KDM4C: variants seen among roughly 807,000 people sequenced by gnomAD.
The protein encoded by KDM4C is lysine-specific demethylase 4C.
A neutral mutation model predicts 129.3 loss-of-function variants in KDM4C; 81 were observed. That is an observed-to-expected ratio of 0.63 (90% CI 0.52 to 0.75). KDM4C has a LOEUF of 0.75. Ranked by LOEUF, KDM4C falls within the 30% of genes least tolerant of loss-of-function variation. KDM4C has a pLI of 0.00. For missense variants in KDM4C, 1,457 were observed against 1,304.0 expected (o/e 1.12, Z -1.81); for synonymous variants, 573 against 456.1 (o/e 1.26, Z -3.26).
chr9:6,780,487 C>T (rs1824092485), intron 1 of KDM4C, among the ~76,000 whole-genome samples: 1 of 151,812 alleles, frequency 6.6e-6, no homozygotes, highest in Non-Finnish European at 1.5e-5. Context: ...GAGAAATTGG[C>T]CAGGTGCTGT....
intron 16 of KDM4C, among the ~76,000 whole-genome samples, chr9:7,047,446 A>T (rs1173102437): frequency 6.6e-6 from 1 of 152,078 alleles, no homozygotes; most frequent in Non-Finnish European, 1.5e-5. Context: ...ATATGAAGAG[A>T]GTCTTGAAAG....
chr9:6,798,728 A>C (rs970128345), intron 2 of KDM4C, among the ~76,000 whole-genome samples: 18 of 152,284 alleles, frequency 1.2e-4, no homozygotes, highest in Non-Finnish European at 2.2e-4. Flanking sequence ...CATTGTCATC[A>C]TGGCCCGTTC....
At chr9:7,106,364 G>C (rs1407170131) in intron 18 of KDM4C, among the ~76,000 whole-genome samples, 1 of 152,192 alleles carries the variant, frequency 6.6e-6, no homozygotes, top group Non-Finnish European at 1.5e-5. Context: ...ACCATGCATT[G>C]ATTATTTGAA....
At chr9:6,979,025 G>A (rs1468107349) in intron 8 of KDM4C, among the ~76,000 whole-genome samples, 1 of 152,064 alleles carries the variant, frequency 6.6e-6, no homozygotes, top group East Asian at 1.9e-4. Flanking sequence ...TGTTGCAATT[G>A]TAATCATGAT....
chr9:7,087,235 C>T (rs955647048), intron 17 of KDM4C, among the ~76,000 whole-genome samples: 2 of 151,074 alleles, frequency 1.3e-5, no homozygotes, highest in Admixed American at 1.3e-4. Context: ...ATTACTGCAA[C>T]AAAACCCCTC....
chr9:7,075,372 C>T (rs1383930733), intron 17 of KDM4C, among the ~76,000 whole-genome samples: 1 of 152,118 alleles, frequency 6.6e-6, no homozygotes, highest in East Asian at 1.9e-4. Context: ...CCCAGTGTGG[C>T]AGTGTTGGGG....
intron 7 of KDM4C, among the ~76,000 whole-genome samples, chr9:6,892,594 T>G (rs1051101809): frequency 6.6e-6 from 1 of 152,214 alleles, no homozygotes; most frequent in Admixed American, 6.5e-5. Context: ...TTGAATGTTT[T>G]CTAGGTGCTA....
chr9:6,803,931 T>C (rs1829486576), intron 2 of KDM4C, among the ~76,000 whole-genome samples: 1 of 152,116 alleles, frequency 6.6e-6, no homozygotes, highest in African/African-American at 2.4e-5. Context: ...AAAGTGATTC[T>C]CCTGCCTCAG....
At chr9:6,910,790 A>G (rs1248230760) in intron 8 of KDM4C, among the ~76,000 whole-genome samples, 2 of 152,238 alleles carry the variant, frequency 1.3e-5, no homozygotes, top group Non-Finnish European at 2.9e-5. Context: ...TGATTGTGAA[A>G]CTGAAAAAAT....
chr9:6,798,775 G>C (rs1828269636), intron 2 of KDM4C, among the ~76,000 whole-genome samples: 1 of 151,974 alleles, frequency 6.6e-6, no homozygotes, highest in African/African-American at 2.4e-5. Context: ...AGACGGGGTG[G>C]TGGCCGGGCA....
chr9:6,930,527 T>C (rs1435017834), intron 8 of KDM4C, among the ~76,000 whole-genome samples: 1 of 124,024 alleles, frequency 8.1e-6, no homozygotes, highest in Non-Finnish European at 1.8e-5. Flanking sequence ...ATATATAATA[T>C]GAATATATGT....
chr9:6,903,157 G>T (rs1446723616), intron 8 of KDM4C, among the ~76,000 whole-genome samples: 1 of 151,932 alleles, frequency 6.6e-6, no homozygotes, highest in East Asian at 1.9e-4. Flanking sequence ...ATTTTTGTAA[G>T]GCCTGATAAT....
rs554881733 is a variant in KDM4C at position 7,171,897 on chromosome 9, T to C, written c.2994+2007T>C. ...TCCATACACTCTGAATGCAGCCTGC[T>C]ATTCTGAGCGGCTAAGCCAAGTAGA... On this transcript the variant is annotated intron_variant, in intron 21 of 21. Transcript: ENST00000381309. Among the ~76,000 whole-genome samples, 13 of 152,270 alleles carry C rather than the reference T, an allele frequency of 8.5e-5. No homozygotes were observed. The South Asian group carries it at 2.7e-3, about 32-fold the overall frequency.
Position 6,820,221 on chromosome 9 carries a change from T to C in KDM4C, c.435+5476T>C, listed in dbSNP as rs529779290. On this transcript the variant is annotated intron_variant, in intron 4 of 21. Coordinates refer to ENST00000381309, the MANE Select transcript of KDM4C (RefSeq NM_015061.6). ...GCAGGCCTGCATTCAAGTAAGACTTTCTGGAGTGGGGACGACATCTGAACT... is the reference window on the plus strand; with the variant it reads ...GCAGGCCTGCATTCAAGTAAGACTTCCTGGAGTGGGGACGACATCTGAACT... 4.6e-5 allele frequency among the ~76,000 whole-genome samples: 7 copies of C among 152,284 alleles called. No homozygotes were observed. The East Asian group carries it at 1.3e-3, about 29-fold the overall frequency.
intron 10 of KDM4C, 53 bp from the exon 11 acceptor site, chr9:6,986,291 C>G (rs3750488): frequency 0.28 from 348,100 of 1,239,902 alleles, 51,917 homozygotes; most frequent in Middle Eastern, 0.38. Flanking sequence ...ACCAATTCTA[C>G]TTAGTAGTAA....
At chr9:7,076,433 G>C in intron 17 of KDM4C, 3 of 1,547,184 alleles carry the variant, frequency 1.9e-6, no homozygotes, top group Non-Finnish European at 2.6e-6. Context: ...GTGTTTTTCA[G>C]GGAAGGCTGG....
intron 5 of KDM4C, 39 bp from the exon 6 acceptor site, chr9:6,879,973 T>G: frequency 8.3e-7 from 1 of 1,199,320 alleles, no homozygotes. Flanking sequence ...AGCTGAAAAA[T>G]TATAAACCTA....
At chr9:6,757,388 T>C (rs1310977326), upstream of KDM4C, among the ~76,000 whole-genome samples, 1 of 152,222 alleles carries the variant, frequency 6.6e-6, no homozygotes, top group Non-Finnish European at 1.5e-5. Context: ...CGGACAGTTT[T>C]GCTTCCAGAG....
chr9:6,904,012 G>A (rs2131004936), intron 8 of KDM4C, among the ~76,000 whole-genome samples: 1 of 152,276 alleles, frequency 6.6e-6, no homozygotes, highest in South Asian at 2.1e-4. Context: ...GGCTGAGGTG[G>A]GCAGATCACT....
Sources: gnomAD v4.1 joint callset for allele counts (sites outside exome capture counted in the v4.1 genomes callset) on GRCh38, gnomAD v4.1.1 for gene constraint, MANE v1.5 for transcripts, NCBI Gene and HGNC (gene_info 2026-07-23, HGNC 2026-07-21) for gene names.